The following SETD2 variants were observed in gnomAD, a reference collection of about 807,000 sequenced individuals.
The protein encoded by SETD2 is SET domain containing 2, histone lysine methyltransferase.
Under a neutral mutation model 242.1 loss-of-function variants are expected in SETD2, and 31 were observed. That is an observed-to-expected ratio of 0.13 (90% CI 0.10 to 0.17). SETD2 has a LOEUF of 0.17. Among genes scored for constraint, SETD2 ranks in the 10% least tolerant of loss-of-function variants. The probability of loss-of-function intolerance (pLI) is 1.00; values close to 1 mark genes in which losing one functional copy is unlikely to be tolerated. For missense variants in SETD2, 2,481 were observed against 3,046.3 expected (o/e 0.81, Z 4.37); for synonymous variants, 1,006 against 1,066.5 (o/e 0.94, Z 1.11).
At chr3:47,082,027 T>C (rs1407837800) in intron 12 of SETD2, among the ~76,000 whole-genome samples, 5 of 152,166 alleles carry the variant, frequency 3.3e-5, no homozygotes, top group African/African-American at 1.2e-4. Flanking sequence ...GTGGGGAAGA[T>C]AAGAAGAAGG....
chr3:47,088,304 C>T (rs1269656184), intron 9 of SETD2, 57 bp from the exon 10 acceptor site: 2 of 1,519,270 alleles, frequency 1.3e-6, no homozygotes, highest in Admixed American at 4.3e-5. Context: ...AAAAAAAAAC[C>T]AAAAACCCAA....
At chr3:47,105,900 C>T in intron 6 of SETD2, 97 bp downstream of exon 6, 1 of 1,162,082 alleles carries the variant, frequency 8.6e-7, no homozygotes. Flanking sequence ...GAGACTCCGT[C>T]TCCAAAAAAA....
At chr3:47,089,290 C>A (rs1210610722) in intron 9 of SETD2, among the ~76,000 whole-genome samples, 1 of 151,864 alleles carries the variant, frequency 6.6e-6, no homozygotes, top group Non-Finnish European at 1.5e-5. Flanking sequence ...TACTAAAAAT[C>A]AAAAAAATTA....
At chr3:47,126,905 T>C (rs1179587648) in intron 1 of SETD2, among the ~76,000 whole-genome samples, 1 of 152,196 alleles carries the variant, frequency 6.6e-6, no homozygotes, top group Non-Finnish European at 1.5e-5. Flanking sequence ...GCAGCATCCC[T>C]GCCCTCAAAA....
In SETD2 at chr3:47,087,988, CAAACAAAT is replaced by C. The variant is rs766123193; in HGVS notation, c.5277+117_5277+124del. 1.3e-3 allele frequency: 1,367 copies of C among 1,023,820 alleles called. 5 individuals are homozygous for C. Among genetic ancestry groups the C allele is most frequent in the East Asian group, 9.2e-3 (314 of 34,100 alleles). The allele number at this position is 1,023,820 out of a possible 1,614,324, so 63.4% of individuals were successfully genotyped here. ...CTAAACAAACAAACAAACAAACAAACAAACAAATAAATAAATAAATAAAATAAGACTAA... is the reference window on the plus strand; with the variant it reads ...CTAAACAAACAAACAAACAAACAAACAAATAAATAAATAAAATAAGACTAA... On this transcript the variant is annotated intron_variant, in intron 10 of 20. Coordinates refer to ENST00000409792, the MANE Select transcript of SETD2 (RefSeq NM_014159.7).
At chr3:47,104,834 G>C (rs561195640) in intron 6 of SETD2, among the ~76,000 whole-genome samples, 1 of 152,284 alleles carries the variant, frequency 6.6e-6, no homozygotes, top group Non-Finnish European at 1.5e-5. Context: ...CGCTCTGGGA[G>C]GCCAATCTGG....
chr3:47,077,748 G>A (rs1016322771), intron 12 of SETD2, among the ~76,000 whole-genome samples: 2 of 152,150 alleles, frequency 1.3e-5, no homozygotes, highest in African/African-American at 4.8e-5. Context: ...GACCAATTCC[G>A]GGGCTGGGGA....
intron 1 of SETD2, among the ~76,000 whole-genome samples, chr3:47,131,795 T>C (rs1040494448): frequency 6.6e-6 from 1 of 151,746 alleles, no homozygotes; most frequent in Non-Finnish European, 1.5e-5. Flanking sequence ...ACTTATTTTT[T>C]GAGACAGAGT....
At chr3:47,087,183 C>T (rs2041597704) in intron 10 of SETD2, among the ~76,000 whole-genome samples, 1 of 148,778 alleles carries the variant, frequency 6.7e-6, no homozygotes, top group Non-Finnish European at 1.5e-5. Flanking sequence ...GGGTAAAAGG[C>T]TATGGCAAGT....
At position 47,039,078 on chromosome 3, in the gene SETD2, A is replaced by G. The variant is rs558718735; in HGVS notation, c.7239-1301T>C. ...TTTTAAAAGGCTCAAGATTTCTACCATAATAAAAGAACCACAAGCAGCTAA... is the reference window on the plus strand; with the variant it reads ...TTTTAAAAGGCTCAAGATTTCTACCGTAATAAAAGAACCACAAGCAGCTAA... On this transcript the variant is annotated intron_variant, in intron 17 of 20. Transcript: ENST00000409792. 3.9e-5 allele frequency among the ~76,000 whole-genome samples: 6 copies of G among 152,332 alleles called. No homozygotes were observed. The East Asian group carries it at 1.2e-3, about 29-fold the overall frequency.
intron 12 of SETD2, among the ~76,000 whole-genome samples, chr3:47,067,511 C>A (rs1399416775): frequency 1.3e-5 from 2 of 149,700 alleles, no homozygotes; most frequent in Non-Finnish European, 3.0e-5. Context: ...GCCTCCCAGG[C>A]ACAAGCAATC....
chr3:47,063,928 A>G (rs1047652338), intron 13 of SETD2, among the ~76,000 whole-genome samples: 1 of 152,084 alleles, frequency 6.6e-6, no homozygotes, highest in African/African-American at 2.4e-5. Context: ...AGTTGCAGTG[A>G]GCCGAGATCG....
At chr3:47,073,254 T>G (rs540460588) in intron 12 of SETD2, among the ~76,000 whole-genome samples, 107 of 152,126 alleles carry the variant, frequency 7.0e-4, no homozygotes, top group Non-Finnish European at 1.4e-3. Flanking sequence ...AGCAAAGCTA[T>G]GGAGCCTAGA....
Position 47,083,857 on chromosome 3 carries a change from T to A in SETD2, c.5923A>T (p.Asn1975Tyr), listed in dbSNP as rs776729678. 6.2e-7 allele frequency: 1 copy of A among 1,614,170 alleles called. No homozygotes were observed. ...TCATCTTGGGATGGTGTTTCTTCAT[T>A]AATAGGTTCTTCTAGTTTTGTGCCG... The part of the protein sequence containing the change: ...SNGTKLEEPI[N>Y]EETPSQDEEE... The change falls in exon 12 of 21, where the codon AAT (asparagine) becomes TAT (tyrosine). Residue 1975 changes from asparagine (N) to tyrosine (Y), a missense_variant. Asn to Tyr is a moderately radical substitution (Grantham distance 143). Around this residue, in one of 17 missense-constraint regions of SETD2, gnomAD observed 203 missense variants for 222.4 expected, o/e 0.91. Transcript: ENST00000409792.
chr3:47,067,144 G>A, intron 12 of SETD2, 26 bp from the exon 13 acceptor site: 2 of 1,576,834 alleles, frequency 1.3e-6, no homozygotes, highest in Non-Finnish European at 8.7e-7. Flanking sequence ...CAGAGGGAGG[G>A]TTATTAGTGA....
chr3:47,019,145 A>C (rs1372664406), intron 19 of SETD2, among the ~76,000 whole-genome samples: 1 of 152,264 alleles, frequency 6.6e-6, no homozygotes, highest in East Asian at 1.9e-4. Flanking sequence ...TTCTGGTAGC[A>C]TAAAAAGGAG....
At chr3:47,096,048 G>A (rs1388164670) in intron 9 of SETD2, among the ~76,000 whole-genome samples, 3 of 152,060 alleles carry the variant, frequency 2.0e-5, no homozygotes, top group Admixed American at 6.6e-5. Context: ...GAGCCACCAC[G>A]CCCAGCTATA....
chr3:47,084,855 C>A (rs544435788), intron 11 of SETD2, among the ~76,000 whole-genome samples: 1 of 151,634 alleles, frequency 6.6e-6, no homozygotes, highest in African/African-American at 2.4e-5. Context: ...CTCAGCCTCC[C>A]GAGGAGCTGG....
At chr3:47,043,324 A>G (rs2039370527) in intron 16 of SETD2, among the ~76,000 whole-genome samples, 1 of 152,202 alleles carries the variant, frequency 6.6e-6, no homozygotes, top group South Asian at 2.1e-4. Context: ...TTTATCTAAT[A>G]GGATGGTGTC....
Sources: allele counts gnomAD v4.1 joint callset (sites outside exome capture counted in the v4.1 genomes callset), GRCh38; gene constraint gnomAD v4.1.1; regional missense constraint gnomAD v4.1.1; transcripts MANE v1.5; gene names NCBI Gene and HGNC (gene_info 2026-07-23, HGNC 2026-07-21).